THSD7B: variants seen among roughly 807,000 people sequenced by gnomAD.
THSD7B encodes the protein thrombospondin type 1 domain containing 7B.
THSD7B carries 138 observed loss-of-function variants against 213.6 expected under a neutral mutation model. The observed-to-expected ratio is 0.65, with a 90% CI of 0.56 to 0.74. The LOEUF is 0.74. Among genes scored for constraint, THSD7B ranks in the 30% least tolerant of loss-of-function variants. The pLI is 0.00. For missense variants in THSD7B, 1,931 were observed against 1,991.5 expected, an observed-to-expected ratio of 0.97 and a Z score of 0.58; for synonymous variants, 742 against 687.0, an observed-to-expected ratio of 1.08 and a Z score of -1.25.
chr2:137,052,724 T>C (rs1253994785), intron 2 of THSD7B, among the ~76,000 whole-genome samples: 1 of 152,204 alleles, frequency 6.6e-6, no homozygotes, highest in Non-Finnish European at 1.5e-5. Flanking sequence ...TCATGTTTTT[T>C]TGAAATGGCA....
chr2:137,522,160 C>T (rs565274586), intron 15 of THSD7B, among the ~76,000 whole-genome samples: 6 of 152,302 alleles, frequency 3.9e-5, no homozygotes, highest in East Asian at 3.9e-4. Flanking sequence ...AGCCAGGACT[C>T]CCCATGAGTG....
chr2:137,452,477 T>A (rs1687670260), intron 15 of THSD7B, among the ~76,000 whole-genome samples: 1 of 152,124 alleles, frequency 6.6e-6, no homozygotes, highest in Non-Finnish European at 1.5e-5. Flanking sequence ...TGGAGACTAT[T>A]TGCCCATCCC....
chr2:137,056,599 G>A lies in THSD7B; in HGVS notation c.319G>A (p.Glu107Lys), dbSNP rs768630391. The A allele has an allele frequency of 1.9e-6, 3 of 1,613,844 alleles. No homozygotes were observed. In the African/African-American group the frequency reaches 4.0e-5, roughly 22 times the overall value. ...CTGGCACAGTGACCTCTTTCAGTGG[G>A]AGGTTTCTGACTGGCACCACTGTGT... ...CDWHSDLFQW[E>K]VSDWHHCVLV... is the part of the protein sequence containing the mutation. Residue 107 changes from glutamate (E) to lysine (K), a missense_variant, in exon 3 of 28, where the codon GAG becomes AAG. Physicochemically the swap from Glu to Lys is moderately conservative, Grantham distance 56. Transcript: ENST00000409968.
intron 3 of THSD7B, among the ~76,000 whole-genome samples, chr2:137,078,576 C>T (rs963355590): frequency 1.3e-5 from 2 of 151,916 alleles, no homozygotes; most frequent in Non-Finnish European, 2.9e-5. Flanking sequence ...TTAATTTTGT[C>T]TACTATTTTT....
intron 5 of THSD7B, among the ~76,000 whole-genome samples, chr2:137,121,415 A>G (rs1688543718): frequency 6.6e-6 from 1 of 152,214 alleles, no homozygotes; most frequent in Non-Finnish European, 1.5e-5. Flanking sequence ...AAGAGGAAGA[A>G]CATGTGCAAT....
At chr2:136,935,712 G>A (rs1230695443) in intron 2 of THSD7B, among the ~76,000 whole-genome samples, 1 of 152,030 alleles carries the variant, frequency 6.6e-6, no homozygotes, top group Non-Finnish European at 1.5e-5. Context: ...AAAGCCATGA[G>A]GACTGCTGAC....
intron 17 of THSD7B, among the ~76,000 whole-genome samples, chr2:137,591,794 T>A (rs1681871096): frequency 6.6e-6 from 1 of 151,906 alleles, no homozygotes; most frequent in African/African-American, 2.4e-5. Flanking sequence ...GGTTCACAAA[T>A]GTTTGTTTAT....
chr2:136,805,543 C>T (rs1682265742), intron 1 of THSD7B, among the ~76,000 whole-genome samples: 1 of 152,138 alleles, frequency 6.6e-6, no homozygotes, highest in Non-Finnish European at 1.5e-5. Flanking sequence ...TAGCCATTTT[C>T]TCTTGTGTGT....
chr2:137,283,823 G>T (rs1418591014), intron 12 of THSD7B, among the ~76,000 whole-genome samples: 4 of 152,072 alleles, frequency 2.6e-5, no homozygotes, highest in Non-Finnish European at 4.4e-5. Context: ...GAGGGTTTTT[G>T]CATCAATGTT....
rs563039318 is a variant in THSD7B at position 137,659,620 on chromosome 2, T to C, written c.4376-44T>C. 3.9e-6 allele frequency: 6 copies of C among 1,529,030 alleles called. No homozygotes were observed. In the African/African-American group the frequency reaches 7.0e-5, roughly 18 times the overall value. The allele number at this position is 1,529,030 out of a possible 1,614,324, so 94.7% of individuals were successfully genotyped here. A position where few individuals can be genotyped will look rare whatever the true frequency, so the allele number is the denominator to read the frequency against. ...AAAAAATACCAAAAAATTAGAAATA[T>C]CTAATAGAGAAATCTGCAAATGATG... On this transcript the variant is annotated intron_variant, in intron 24 of 27. Transcript: ENST00000409968.
intron 12 of THSD7B, among the ~76,000 whole-genome samples, chr2:137,299,050 T>C (rs1308860745): frequency 1.3e-5 from 2 of 151,952 alleles, no homozygotes; most frequent in Admixed American, 1.3e-4. Flanking sequence ...AAATGCTGCA[T>C]GAAGGCAGCC....
intron 12 of THSD7B, among the ~76,000 whole-genome samples, chr2:137,321,576 G>A (rs762963347): frequency 7.2e-5 from 11 of 152,118 alleles, no homozygotes; most frequent in Non-Finnish European, 1.2e-4. Context: ...CATTAGTCTG[G>A]CACATCAACA....
chr2:137,663,843 GA>G (rs1328425806), intron 26 of THSD7B, among the ~76,000 whole-genome samples: 1 of 152,102 alleles, frequency 6.6e-6, no homozygotes, highest in Non-Finnish European at 1.5e-5. Flanking sequence ...AATATTCTTT[GA>G]AAAATCTTTC....
chr2:137,362,387 T>A (rs1185645619), intron 12 of THSD7B, among the ~76,000 whole-genome samples: 1 of 152,140 alleles, frequency 6.6e-6, no homozygotes, highest in Non-Finnish European at 1.5e-5. Flanking sequence ...ATAACAATAT[T>A]AACCTTAAAT....
At chr2:136,968,503 C>G (rs1032133029) in intron 2 of THSD7B, among the ~76,000 whole-genome samples, 1 of 151,832 alleles carries the variant, frequency 6.6e-6, no homozygotes, top group Non-Finnish European at 1.5e-5. Flanking sequence ...TTTGTATATT[C>G]TTGGGATGAC....
intron 15 of THSD7B, among the ~76,000 whole-genome samples, chr2:137,497,689 T>G (rs1027129003): frequency 2.6e-5 from 4 of 152,248 alleles, no homozygotes; most frequent in African/African-American, 9.6e-5. Context: ...CTTCATTTCT[T>G]TGAAAACATC....
At chr2:137,649,598 A>G (rs1372688985) in intron 21 of THSD7B, among the ~76,000 whole-genome samples, 1 of 152,206 alleles carries the variant, frequency 6.6e-6, no homozygotes, top group African/African-American at 2.4e-5. Flanking sequence ...AAATGCATGA[A>G]TATAAATCTG....
chr2:137,141,400 T>A (rs1679581473), intron 5 of THSD7B, among the ~76,000 whole-genome samples: 1 of 152,124 alleles, frequency 6.6e-6, no homozygotes, highest in Middle Eastern at 3.4e-3. Context: ...CTTATAGTGA[T>A]AGAGCAGCTC....
At chr2:137,365,533 A>G (rs1261836027) in intron 12 of THSD7B, among the ~76,000 whole-genome samples, 2 of 152,118 alleles carry the variant, frequency 1.3e-5, no homozygotes, top group African/African-American at 4.8e-5. Context: ...AAGAACTTAA[A>G]CAAATTTACA....
Sources: allele counts gnomAD v4.1 joint callset (sites outside exome capture counted in the v4.1 genomes callset), GRCh38; gene constraint gnomAD v4.1.1; transcripts MANE v1.5; gene names NCBI Gene and HGNC (gene_info 2026-07-23, HGNC 2026-07-21).